Variants in ARHGAP24 observed in about 807,000 individuals in gnomAD.
ARHGAP24 encodes the protein Rho GTPase activating protein 24.
A neutral mutation model predicts 76.4 loss-of-function variants in ARHGAP24; 50 were observed. The observed-to-expected ratio is 0.65, with a 90% CI of 0.52 to 0.83. ARHGAP24 has a LOEUF of 0.83. Among genes scored for constraint, ARHGAP24 ranks in the 40% least tolerant of loss-of-function variants. The probability of loss-of-function intolerance (pLI) is 0.00; values close to 1 mark genes in which losing one functional copy is unlikely to be tolerated. For missense variants in ARHGAP24, 930 were observed against 914.2 expected, an observed-to-expected ratio of 1.02 and a Z score of -0.22; for synonymous variants, 345 against 323.3, an observed-to-expected ratio of 1.07 and a Z score of -0.72.
intron 2 of ARHGAP24, among the ~76,000 whole-genome samples, chr4:85,584,939 A>G (rs1727784596): frequency 6.6e-6 from 1 of 152,170 alleles, no homozygotes; most frequent in Non-Finnish European, 1.5e-5. Context: ...GAGAAGGCAT[A>G]TTGGCCTTCT....
In ARHGAP24 at chr4:85,780,679, G is replaced by A. The variant is rs1329090571; in HGVS notation, c.268+58707G>A. Among the ~76,000 whole-genome samples the A allele has an allele frequency of 4.6e-5, 7 of 152,190 alleles. No homozygotes were observed. The South Asian group carries it at 6.2e-4, about 14-fold the overall frequency. On this transcript the variant is annotated intron_variant, in intron 3 of 9. Transcript: ENST00000395184. ...AACAAGTTTATAAAAAATTATGGACGAATAAGAGGCAATAACTTTATCTGA... is the reference window on the plus strand; with the variant it reads ...AACAAGTTTATAAAAAATTATGGACAAATAAGAGGCAATAACTTTATCTGA...
intron 4 of ARHGAP24, among the ~76,000 whole-genome samples, chr4:85,935,881 G>A (rs2051549533): frequency 6.6e-6 from 1 of 152,100 alleles, no homozygotes; most frequent in East Asian, 1.9e-4. Context: ...CTCTGACTTT[G>A]AAAAGAGTAA....
intron 3 of ARHGAP24, among the ~76,000 whole-genome samples, chr4:85,741,272 G>A (rs1468472938): frequency 6.6e-6 from 1 of 152,110 alleles, no homozygotes; most frequent in Non-Finnish European, 1.5e-5. Flanking sequence ...CTAGAGATGG[G>A]GCTAGAATGG....
chr4:85,586,112 G>T (rs577580181), intron 2 of ARHGAP24, among the ~76,000 whole-genome samples: 1 of 152,054 alleles, frequency 6.6e-6, no homozygotes, highest in Non-Finnish European at 1.5e-5. Context: ...TCTTGTTATC[G>T]CTCTTTCTTT....
intron 1 of ARHGAP24, among the ~76,000 whole-genome samples, chr4:85,524,890 A>G (rs181339381): frequency 7.9e-5 from 12 of 152,306 alleles, no homozygotes; most frequent in Admixed American, 3.9e-4. Context: ...CATGTTAGGC[A>G]GCAGACTAAA....
chr4:85,763,737 A>C (rs574143583), intron 3 of ARHGAP24, among the ~76,000 whole-genome samples: 31 of 152,292 alleles, frequency 2.0e-4, no homozygotes, highest in Admixed American at 1.6e-3. Flanking sequence ...ACATGTTTCA[A>C]ATACTTTACT....
In ARHGAP24 at chr4:85,755,645, TG is replaced by T. The variant is rs201625084; in HGVS notation, c.268+33674del. ...TCTTTTGTTTTGTTTTGTTTTGTTTTGTTTTGAGACGGAGTCTCGTTCTGTT... is the reference window on the plus strand; with the variant it reads ...TCTTTTGTTTTGTTTTGTTTTGTTTTTTTTGAGACGGAGTCTCGTTCTGTT... On this transcript the variant is annotated intron_variant, in intron 3 of 9. Coordinates refer to ENST00000395184, the MANE Select transcript of ARHGAP24 (RefSeq NM_001025616.3). 1.1e-3 allele frequency among the ~76,000 whole-genome samples: 126 copies of T among 114,922 alleles called. 15 individuals are homozygous for T. Among genetic ancestry groups the T allele is most frequent in the Middle Eastern group, 4.3e-3 (1 of 232 alleles). 75.4% of individuals were successfully genotyped at this position (114,922 alleles called of 152,430 possible).
At chr4:85,813,421 A>C (rs1055449257) in intron 3 of ARHGAP24, among the ~76,000 whole-genome samples, 19 of 152,102 alleles carry the variant, frequency 1.2e-4, no homozygotes, top group African/African-American at 4.6e-4. Flanking sequence ...CCAAATGGAG[A>C]ATCTCATTGT....
intron 3 of ARHGAP24, among the ~76,000 whole-genome samples, chr4:85,757,037 A>G (rs1286610158): frequency 6.6e-6 from 1 of 151,894 alleles, no homozygotes; most frequent in Non-Finnish European, 1.5e-5. Flanking sequence ...TGGTTTCTGG[A>G]GCACAGTATT....
rs1018697388 is a variant in ARHGAP24 at position 85,619,349 on chromosome 4, G to A, written c.180+48628G>A. ...ATGTCTGTTTTTATGCTGATACCGT[G>A]CTGTTTTGATTGCTCTATATTCGTA... On this transcript the variant is annotated intron_variant, in intron 2 of 9. Coordinates refer to ENST00000395184, the MANE Select transcript of ARHGAP24 (RefSeq NM_001025616.3). Among the ~76,000 whole-genome samples, 3 of 151,918 alleles carry A rather than the reference G, an allele frequency of 2.0e-5. No homozygotes were observed. The South Asian group carries it at 6.2e-4, about 32-fold the overall frequency.
At chr4:85,565,970 C>T (rs1291890691) in intron 1 of ARHGAP24, among the ~76,000 whole-genome samples, 1 of 152,128 alleles carries the variant, frequency 6.6e-6, no homozygotes, top group Non-Finnish European at 1.5e-5. Flanking sequence ...AAGAACCATA[C>T]AAACAGTTGT....
intron 3 of ARHGAP24, among the ~76,000 whole-genome samples, chr4:85,730,532 G>T (rs146001250): frequency 6.6e-6 from 1 of 152,054 alleles, no homozygotes; most frequent in Non-Finnish European, 1.5e-5. Context: ...TCAGCCTCCC[G>T]AGTAGTAGCT....
intron 5 of ARHGAP24, among the ~76,000 whole-genome samples, chr4:85,968,054 T>C (rs1442171864): frequency 6.6e-6 from 1 of 152,164 alleles, no homozygotes; most frequent in East Asian, 1.9e-4. Context: ...TATTTGTTCC[T>C]AGTTAGGTTT....
At chr4:85,918,200 G>T (rs1735527125) in intron 3 of ARHGAP24, among the ~76,000 whole-genome samples, 1 of 151,766 alleles carries the variant, frequency 6.6e-6, no homozygotes, top group Non-Finnish European at 1.5e-5. Context: ...TTTCAATCTA[G>T]TATCTTATTT....
rs545334013 is a variant in ARHGAP24 at position 85,544,056 on chromosome 4, C to T, written c.-20-26466C>T. Among the ~76,000 whole-genome samples, 22 of 152,268 alleles carry T rather than the reference C, an allele frequency of 1.4e-4. 1 individual carries two copies. Among genetic ancestry groups the T allele is most frequent in the African/African-American group, 5.3e-4 (22 of 41,558 alleles). ...TCTCTCCATGCTAAACAGCTTTGTT[C>T]TCCTCCCACTGCCAGCCTTTTGCCT... On this transcript the variant is annotated intron_variant, in intron 1 of 9. Transcript: ENST00000395184.
At chr4:85,955,622 T>C (rs1267452517) in intron 5 of ARHGAP24, among the ~76,000 whole-genome samples, 2 of 152,194 alleles carry the variant, frequency 1.3e-5, no homozygotes, top group Non-Finnish European at 2.9e-5. Context: ...GTAATTCTTA[T>C]ATGCATGGTC....
At chr4:85,887,512 G>A (rs1733629044) in intron 3 of ARHGAP24, among the ~76,000 whole-genome samples, 1 of 152,158 alleles carries the variant, frequency 6.6e-6, no homozygotes, top group Admixed American at 6.5e-5. Flanking sequence ...TATGGATTGG[G>A]AGACTGTCTC....
At chr4:85,919,432 T>C (rs1334458356) in intron 3 of ARHGAP24, among the ~76,000 whole-genome samples, 1 of 152,222 alleles carries the variant, frequency 6.6e-6, no homozygotes, top group African/African-American at 2.4e-5. Context: ...ATAGAAATTA[T>C]ATCTACATAA....
chr4:85,927,501 T>G (rs1292408444), intron 4 of ARHGAP24, among the ~76,000 whole-genome samples: 1 of 152,212 alleles, frequency 6.6e-6, no homozygotes, highest in African/African-American at 2.4e-5. Flanking sequence ...GGGAATTATA[T>G]CTCAATAAAG....
Sources: gnomAD v4.1 joint callset for allele counts (sites outside exome capture counted in the v4.1 genomes callset) on GRCh38, gnomAD v4.1.1 for gene constraint, MANE v1.5 for transcripts, NCBI Gene and HGNC (gene_info 2026-07-23, HGNC 2026-07-21) for gene names.